Variants in GREB1L observed in about 807,000 individuals in gnomAD.
The protein encoded by GREB1L is GREB1-like protein.
A neutral mutation model predicts 200.8 loss-of-function variants in GREB1L; 17 were observed. The ratio of observed to expected loss-of-function variants is 0.08; its 90% CI spans 0.06 to 0.13. The LOEUF (loss-of-function observed/expected upper bound fraction) is 0.13. GREB1L is among the 10% of genes least tolerant of loss of function. The probability of loss-of-function intolerance (pLI) is 1.00; values close to 1 mark genes in which losing one functional copy is unlikely to be tolerated. For missense variants in GREB1L, 1,657 were observed against 2,367.7 expected (o/e 0.70, Z 6.23); for synonymous variants, 789 against 893.0 (o/e 0.88, Z 2.08).
Position 21,508,367 on chromosome 18 carries a change from G to GT in GREB1L, c.4531-13dup, listed in dbSNP as rs1568071597. 2.6e-6 allele frequency: 4 copies of GT among 1,551,040 alleles called. No individual in the cohort carries two copies. Among genetic ancestry groups the GT allele is most frequent in the Middle Eastern group, 1.7e-4 (1 of 5,992 alleles). On this transcript the variant is annotated intron_variant, in intron 26 of 32. Transcript: ENST00000424526. ...AGGCTTTAATTTCCCTTTATGGTCTGTTTTTTTCCCTTTCAGCAGAATTTG... is the reference window on the plus strand; with the variant it reads ...AGGCTTTAATTTCCCTTTATGGTCTGTTTTTTTTCCCTTTCAGCAGAATTTG...
Position 21,452,013 on chromosome 18 carries a change from C to T in GREB1L, c.1850-70C>T, listed in dbSNP as rs139345640. The T allele has an allele frequency of 6.6e-4, 952 of 1,435,552 alleles. 16 individuals are homozygous for T. The East Asian group carries it at 0.023, about 34-fold the overall frequency. 88.9% of individuals were successfully genotyped at this position (1,435,552 alleles called of 1,614,324 possible). On this transcript the variant is annotated intron_variant, in intron 13 of 32. Transcript: ENST00000424526. ...TACTGAGAACAGCCTAACTGCCCAA[C>T]TTGGGCAGTTAATAAAAATGAAACA...
intron 15 of GREB1L, among the ~76,000 whole-genome samples, chr18:21,460,965 C>T (rs1046238145): frequency 2.0e-5 from 3 of 151,744 alleles, no homozygotes; most frequent in Admixed American, 6.6e-5. Flanking sequence ...AGCAAGGTGG[C>T]ATGCACCTGT....
intron 19 of GREB1L, among the ~76,000 whole-genome samples, chr18:21,493,677 C>T (rs2036428519): frequency 6.6e-6 from 1 of 151,784 alleles, no homozygotes; most frequent in Non-Finnish European, 1.5e-5. Flanking sequence ...ACCAGCCTGG[C>T]CAATATGGCG....
rs2037510377 is a variant in GREB1L, at chr18:21,242,375, C to T, written c.-138C>T. 6.6e-6 allele frequency: 1 copy of T among 152,166 alleles called. No homozygotes were observed. The highest frequency in any genetic ancestry group is 1.5e-5 in the Non-Finnish European group (1 of 68,070). 9.4% of individuals were successfully genotyped at this position (152,166 alleles called of 1,614,324 possible). A position where few individuals can be genotyped will look rare whatever the true frequency, so the allele number is the denominator to read the frequency against. ...GGGCCACCCCCTGGTCCTCTGCCCT[C>T]GCGCCCCGCTAGGGCCAGGTGAGCG... On this transcript the variant is annotated 5_prime_UTR_variant, in exon 1 of 33. Transcript: ENST00000424526.
At chr18:21,427,361 C>T (rs1019670300) in intron 7 of GREB1L, among the ~76,000 whole-genome samples, 5 of 151,774 alleles carry the variant, frequency 3.3e-5, no homozygotes, top group Admixed American at 6.6e-5. Context: ...AAAAATTAGC[C>T]GGGCATGGTG....
In GREB1L at chr18:21,508,240, G is replaced by A; in HGVS notation, c.4491G>A (p.Lys1497=). The A allele has an allele frequency of 1.9e-6, 3 of 1,551,814 alleles. No homozygotes were observed. The highest frequency in any genetic ancestry group is 2.6e-6 in the Non-Finnish European group (3 of 1,147,038). The change falls in exon 26 of 33, where the codon AAG becomes AAA. Residue 1497 remains lysine, a synonymous_variant. Coordinates refer to ENST00000424526, the MANE Select transcript of GREB1L (RefSeq NM_001142966.3). The part of the protein sequence containing the change: ...ESHFVFSKQG[K]HLESMRLPLV... ...ATTTTGTCTTCAGCAAGCAGGGCAAGCACCTGGAGAGCATGCGGCTGCCCC... is the reference window on the plus strand; with the variant it reads ...ATTTTGTCTTCAGCAAGCAGGGCAAACACCTGGAGAGCATGCGGCTGCCCC...
At chr18:21,445,609 G>A (rs1232804598) in intron 11 of GREB1L, among the ~76,000 whole-genome samples, 2 of 152,234 alleles carry the variant, frequency 1.3e-5, no homozygotes, top group Non-Finnish European at 2.9e-5. Flanking sequence ...AAAAACACTG[G>A]ACTAAATAAC....
At chr18:21,323,396 C>T (rs1440251071) in intron 1 of GREB1L, among the ~76,000 whole-genome samples, 2 of 152,118 alleles carry the variant, frequency 1.3e-5, no homozygotes, top group African/African-American at 4.8e-5. Flanking sequence ...GCTAATTATC[C>T]TGACTTTGTG....
intron 1 of GREB1L, among the ~76,000 whole-genome samples, chr18:21,259,457 A>G (rs2037855667): frequency 6.6e-6 from 1 of 152,112 alleles, no homozygotes; most frequent in Non-Finnish European, 1.5e-5. Context: ...GAGGAAAATG[A>G]AGAGCTGTCC....
intron 1 of GREB1L, among the ~76,000 whole-genome samples, chr18:21,254,722 T>C (rs2037774091): frequency 6.6e-6 from 1 of 152,194 alleles, no homozygotes; most frequent in Non-Finnish European, 1.5e-5. Context: ...TTGGTCATTC[T>C]CCGCCATCCT....
chr18:21,277,305 G>T (rs1331447438), intron 1 of GREB1L, among the ~76,000 whole-genome samples: 1 of 152,166 alleles, frequency 6.6e-6, no homozygotes, highest in African/African-American at 2.4e-5. Context: ...CTCCTGTGAG[G>T]CTCGTGCAGG....
At chr18:21,304,672 C>A (rs1203659033) in intron 1 of GREB1L, among the ~76,000 whole-genome samples, 1 of 152,076 alleles carries the variant, frequency 6.6e-6, no homozygotes, top group Admixed American at 6.6e-5. Context: ...CTGGAGATAG[C>A]CTTACTAGCA....
At chr18:21,342,377 AT>A (rs924238658) in intron 1 of GREB1L, among the ~76,000 whole-genome samples, 18 of 150,456 alleles carry the variant, frequency 1.2e-4, no homozygotes, top group Admixed American at 4.0e-4. Flanking sequence ...CTTAGATGGG[AT>A]TTTTTTTTTC....
chr18:21,284,235 T>C (rs2038318203), intron 1 of GREB1L, among the ~76,000 whole-genome samples: 1 of 152,210 alleles, frequency 6.6e-6, no homozygotes, highest in Non-Finnish European at 1.5e-5. Context: ...CAGTGGTTTT[T>C]AGTATAATTA....
At chr18:21,360,332 C>T (rs1315854352) in intron 1 of GREB1L, among the ~76,000 whole-genome samples, 2 of 152,292 alleles carry the variant, frequency 1.3e-5, no homozygotes, top group African/African-American at 4.8e-5. Context: ...AATTCTCCTG[C>T]CTCAGCCTCC....
intron 2 of GREB1L, among the ~76,000 whole-genome samples, chr18:21,373,238 A>G (rs1485586996): frequency 6.6e-6 from 1 of 152,068 alleles, no homozygotes; most frequent in Non-Finnish European, 1.5e-5. Context: ...GTTCCCTATC[A>G]ACCTTCTGTC....
At chr18:21,418,303 A>G (rs1368196137) in intron 7 of GREB1L, among the ~76,000 whole-genome samples, 2 of 152,140 alleles carry the variant, frequency 1.3e-5, no homozygotes, top group East Asian at 3.9e-4. Flanking sequence ...CTGCTGATAC[A>G]AAATTTGCAG....
chr18:21,517,622 A>G (rs537986595), intron 30 of GREB1L, among the ~76,000 whole-genome samples: 19 of 152,326 alleles, frequency 1.2e-4, no homozygotes, highest in African/African-American at 4.6e-4. Context: ...TTTCTAAGAA[A>G]TCTACTGAAT....
At chr18:21,351,826 CTATTT>C (rs369092840) in intron 1 of GREB1L, among the ~76,000 whole-genome samples, 8 of 151,826 alleles carry the variant, frequency 5.3e-5, no homozygotes. Context: ...CCTATGCAAG[CTATTT>C]TATTTTATTT....
Sources: gnomAD v4.1 joint callset for allele counts (sites outside exome capture counted in the v4.1 genomes callset) on GRCh38, gnomAD v4.1.1 for gene constraint, MANE v1.5 for transcripts, NCBI Gene and HGNC (gene_info 2026-07-23, HGNC 2026-07-21) for gene names.